Variants in WWC2 observed in about 807,000 individuals in gnomAD.
WWC2 encodes the protein protein WWC2.
A neutral mutation model predicts 138.5 loss-of-function variants in WWC2; 101 were observed. The ratio of observed to expected loss-of-function variants is 0.73; its 90% confidence interval spans 0.62 to 0.86. WWC2 has a LOEUF of 0.86. WWC2 is among the 40% of genes least tolerant of loss of function. The probability of loss-of-function intolerance (pLI) is 0.00; values close to 1 mark genes in which losing one functional copy is unlikely to be tolerated. For missense variants in WWC2, 1,420 were observed against 1,419.4 expected (o/e 1.00, Z -0.01); for synonymous variants, 558 against 538.4 (o/e 1.04, Z -0.50).
chr4:183,224,952 T>G (rs1014028386), intron 4 of WWC2, among the ~76,000 whole-genome samples: 3 of 152,216 alleles, frequency 2.0e-5, no homozygotes, highest in African/African-American at 7.2e-5. Context: ...TGCTTATTGA[T>G]CCACAACTTT....
At chr4:183,114,821 T>C (rs1732360501) in intron 1 of WWC2, among the ~76,000 whole-genome samples, 3 of 152,086 alleles carry the variant, frequency 2.0e-5, no homozygotes. Flanking sequence ...TTTGTTTGTT[T>C]GTTTTTGTTT....
intron 10 of WWC2, among the ~76,000 whole-genome samples, chr4:183,259,980 C>T (rs925364505): frequency 1.3e-5 from 2 of 152,166 alleles, no homozygotes; most frequent in Non-Finnish European, 2.9e-5. Context: ...GATAATAACG[C>T]ATTTTTCCCA....
chr4:183,113,480 CTG>C (rs113602820), intron 1 of WWC2, among the ~76,000 whole-genome samples: 42,359 of 143,360 alleles, frequency 0.3, 6,624 homozygotes, highest in East Asian at 0.59. Context: ...AAGGTGGGGC[CTG>C]TGTGTGTGTG....
chr4:183,302,021 C>G (rs146210888), intron 21 of WWC2, among the ~76,000 whole-genome samples: 1 of 152,266 alleles, frequency 6.6e-6, no homozygotes, highest in East Asian at 1.9e-4. Flanking sequence ...TACTGTAACT[C>G]ATTATTTTAA....
intron 1 of WWC2, among the ~76,000 whole-genome samples, chr4:183,188,590 T>C (rs1277342809): frequency 6.6e-6 from 1 of 151,110 alleles, no homozygotes; most frequent in African/African-American, 2.5e-5. Flanking sequence ...TTCTATCTAA[T>C]ATGATCTCTC....
At chr4:183,227,733 T>C (rs1186298956) in intron 4 of WWC2, among the ~76,000 whole-genome samples, 2 of 152,000 alleles carry the variant, frequency 1.3e-5, no homozygotes, top group African/African-American at 2.4e-5. Context: ...ACCAATCGTG[T>C]TTTCTTATAC....
chr4:183,161,276 A>G (rs1329713997), intron 1 of WWC2, among the ~76,000 whole-genome samples: 4 of 152,226 alleles, frequency 2.6e-5, no homozygotes, highest in East Asian at 1.9e-4. Context: ...ACAAACAGAA[A>G]CTTCATTAAT....
chr4:183,113,146 C>T (rs902066691), intron 1 of WWC2, among the ~76,000 whole-genome samples: 2 of 151,818 alleles, frequency 1.3e-5, no homozygotes, highest in African/African-American at 2.4e-5. Context: ...GGGGTGCATA[C>T]TTGTAATCTC....
chr4:183,163,211 A>T (rs1237155301), intron 1 of WWC2, among the ~76,000 whole-genome samples: 3 of 152,180 alleles, frequency 2.0e-5, no homozygotes, highest in Admixed American at 2.0e-4. Context: ...GTCTTGGGAG[A>T]TGTTTAGTAC....
At chr4:183,213,318 C>A (rs1226884043) in intron 4 of WWC2, among the ~76,000 whole-genome samples, 1 of 152,194 alleles carries the variant, frequency 6.6e-6, no homozygotes, top group Non-Finnish European at 1.5e-5. Context: ...TCTGGCCCTT[C>A]TTGGTTTGCG....
chr4:183,151,104 G>A (rs1733624718), intron 1 of WWC2, among the ~76,000 whole-genome samples: 1 of 152,150 alleles, frequency 6.6e-6, no homozygotes, highest in African/African-American at 2.4e-5. Flanking sequence ...GATCCTTGAG[G>A]AATCACTACA....
At chr4:183,295,452 T>C (rs1364539145) in intron 21 of WWC2, among the ~76,000 whole-genome samples, 5 of 152,224 alleles carry the variant, frequency 3.3e-5, no homozygotes, top group Non-Finnish European at 7.3e-5. Flanking sequence ...AGAATCTGAC[T>C]GGTGGGCACT....
At position 183,124,489 on chromosome 4, in the gene WWC2, T is replaced by C. The variant is rs548876926; in HGVS notation, c.131+24867T>C. 2.6e-5 allele frequency among the ~76,000 whole-genome samples: 4 copies of C among 151,988 alleles called. No homozygotes were observed. The South Asian group carries it at 8.3e-4, about 32-fold the overall frequency. On this transcript the variant is annotated intron_variant, in intron 1 of 22. Coordinates refer to ENST00000403733, the MANE Select transcript of WWC2 (RefSeq NM_024949.6). The stretch of plus-strand genomic sequence containing the variant: ...CTCTTTCTAATTCGGTACTTTATGC[T>C]TTTGTTTTTAGTTTTTCTTTCTGCT...
intron 1 of WWC2, among the ~76,000 whole-genome samples, chr4:183,127,734 A>T (rs903938055): frequency 1.3e-5 from 2 of 152,204 alleles, no homozygotes; most frequent in Admixed American, 1.3e-4. Context: ...TCTATATTAT[A>T]TACCTTAAAT....
At chr4:183,308,052 T>C (rs530297837) in intron 21 of WWC2, among the ~76,000 whole-genome samples, 200 of 152,308 alleles carry the variant, frequency 1.3e-3, no homozygotes, top group African/African-American at 4.6e-3. Context: ...AAGGTTAATA[T>C]ACAAAAGTTA....
intron 1 of WWC2, among the ~76,000 whole-genome samples, chr4:183,128,688 A>G (rs777685474): frequency 6.6e-6 from 1 of 152,172 alleles, no homozygotes; most frequent in Non-Finnish European, 1.5e-5. Flanking sequence ...ACAGTTGTAT[A>G]ATCAGGGCCA....
intron 1 of WWC2, among the ~76,000 whole-genome samples, chr4:183,142,804 C>G (rs1325027853): frequency 6.6e-6 from 1 of 152,196 alleles, no homozygotes; most frequent in African/African-American, 2.4e-5. Flanking sequence ...TAATGTTACC[C>G]AAGGGCATTA....
At chr4:183,303,374 T>C (rs1166972746) in intron 21 of WWC2, among the ~76,000 whole-genome samples, 1 of 152,196 alleles carries the variant, frequency 6.6e-6, no homozygotes, top group Non-Finnish European at 1.5e-5. Context: ...TTGGGCCCAG[T>C]GTAAACATCT....
intron 6 of WWC2, among the ~76,000 whole-genome samples, chr4:183,247,365 CTTTT>C (rs1209891431): frequency 6.6e-6 from 1 of 151,450 alleles, no homozygotes; most frequent in Non-Finnish European, 1.5e-5. Flanking sequence ...AGAACACTGA[CTTTT>C]TTTCACTGTA....
Sources: allele counts gnomAD v4.1 joint callset (sites outside exome capture counted in the v4.1 genomes callset), GRCh38; gene constraint gnomAD v4.1.1; transcripts MANE v1.5; gene names NCBI Gene and HGNC (gene_info 2026-07-23, HGNC 2026-07-21).